The following PLCH1 variants were observed in gnomAD, a reference collection of about 807,000 sequenced individuals.
The protein encoded by PLCH1 is phospholipase C eta 1, also known as 1-phosphatidylinositol 4,5-bisphosphate phosphodiesterase eta-1.
In PLCH1, 60 loss-of-function variants were observed where a neutral mutation model predicts 126.7. The ratio of observed to expected loss-of-function variants is 0.47; its 90% confidence interval spans 0.38 to 0.59. The LOEUF is 0.59. PLCH1 is among the 20% of genes least tolerant of loss of function. The pLI, the probability that PLCH1 is intolerant of heterozygous loss-of-function variation, is 0.00. For missense variants in PLCH1, 1,723 were observed against 2,040.0 expected (o/e 0.84, Z 2.99); for synonymous variants, 719 against 734.9 (o/e 0.98, Z 0.35).
At chr3:155,704,328 G>A in intron 1 of PLCH1, 64 bp from the exon 2 acceptor site, 1 of 423,696 alleles carries the variant, frequency 2.4e-6, no homozygotes, top group Non-Finnish European at 4.0e-6. Context: ...CACACTGGTA[G>A]CATAATGCCA....
At chr3:155,592,550 G>A (rs1043408949) in intron 4 of PLCH1, among the ~76,000 whole-genome samples, 2 of 151,860 alleles carry the variant, frequency 1.3e-5, no homozygotes, top group African/African-American at 2.4e-5. Flanking sequence ...TTAGGGCTGT[G>A]TTTAGAGATA....
intron 21 of PLCH1, among the ~76,000 whole-genome samples, chr3:155,467,435 G>A (rs938132973): frequency 2.6e-5 from 4 of 151,934 alleles, no homozygotes; most frequent in Admixed American, 6.6e-5. Flanking sequence ...TTAGCTGGAC[G>A]TGGTGGTGCG....
At chr3:155,538,318 T>G (rs1160778472) in intron 10 of PLCH1, among the ~76,000 whole-genome samples, 1 of 151,978 alleles carries the variant, frequency 6.6e-6, no homozygotes, top group African/African-American at 2.4e-5. Flanking sequence ...ACAGATAATC[T>G]TAGGTCACAC....
chr3:155,724,451 G>T (rs966494807), intron 1 of PLCH1, among the ~76,000 whole-genome samples: 5 of 152,108 alleles, frequency 3.3e-5, no homozygotes, highest in African/African-American at 1.2e-4. Flanking sequence ...ATTTAGAATT[G>T]TGACATTTTC....
At position 155,693,872 on chromosome 3, in the gene PLCH1, G is replaced by A. The variant is rs151194116; in HGVS notation, c.79+10274C>T. ...TTGAACCCGGGAGGCAGAGGTTGCA[G>A]TAAGCCAAGATGGGGCCATCGCACT... is the stretch of plus-strand genomic sequence containing the variant. On this transcript the variant is annotated intron_variant, in intron 2 of 22. Transcript: ENST00000460012. Among the ~76,000 whole-genome samples, 1,072 of 152,152 alleles carry A rather than the reference G, an allele frequency of 7.0e-3. 6 individuals carry two copies. The highest frequency in any genetic ancestry group is 0.022 in the South Asian group (104 of 4,818).
chr3:155,629,254 G>A (rs7426747), intron 2 of PLCH1, among the ~76,000 whole-genome samples: 73,799 of 151,934 alleles, frequency 0.49, 20,301 homozygotes, highest in African/African-American at 0.74. Context: ...TCAGTTATCT[G>A]AAATTCTACA....
At chr3:155,608,031 G>T (rs1308420009) in intron 2 of PLCH1, among the ~76,000 whole-genome samples, 1 of 152,124 alleles carries the variant, frequency 6.6e-6, no homozygotes, top group East Asian at 1.9e-4. Flanking sequence ...AAACTTTCAG[G>T]TTCCCCTGGG....
intron 1 of PLCH1, among the ~76,000 whole-genome samples, chr3:155,708,719 C>A (rs1746870425): frequency 6.6e-6 from 1 of 152,110 alleles, no homozygotes; most frequent in African/African-American, 2.4e-5. Flanking sequence ...TTAAATTGAT[C>A]ACCTTTTTTT....
At chr3:155,743,398 G>A (rs1371835527) in intron 1 of PLCH1, 1 of 384,270 alleles carries the variant, frequency 2.6e-6, no homozygotes, top group Non-Finnish European at 5.0e-6. Flanking sequence ...TGGGCGTGGT[G>A]GCGGGAGCCT....
chr3:155,638,819 A>T (rs1739039726), intron 2 of PLCH1, among the ~76,000 whole-genome samples: 1 of 152,196 alleles, frequency 6.6e-6, no homozygotes. Flanking sequence ...GAATGAGTAA[A>T]CCTTCTGAAT....
rs76962997 is a variant in PLCH1 at position 155,716,906 on chromosome 3, A to G, written c.-40-12642T>C. 1.6e-3 allele frequency among the ~76,000 whole-genome samples: 240 copies of G among 152,352 alleles called. 1 individual carries two copies. Among genetic ancestry groups the G allele is most frequent in the African/African-American group, 5.5e-3 (230 of 41,580 alleles). Reference sequence around the variant, plus strand: ...AACCTAGTCAAAAGTCCGAAGTCCAAGGTCTCATCTGGAAATGAGTTCCTT... The same window carrying G: ...AACCTAGTCAAAAGTCCGAAGTCCAGGGTCTCATCTGGAAATGAGTTCCTT... On this transcript the variant is annotated intron_variant, in intron 1 of 22. Transcript: ENST00000460012.
intron 1 of PLCH1, among the ~76,000 whole-genome samples, chr3:155,744,501 A>C (rs969050354): frequency 3.9e-5 from 6 of 152,162 alleles, no homozygotes; most frequent in Admixed American, 2.0e-4. Flanking sequence ...GTGAGGGTGA[A>C]GCATCCTGCA....
intron 2 of PLCH1, among the ~76,000 whole-genome samples, chr3:155,652,480 T>G (rs369309906): frequency 1.3e-5 from 2 of 152,214 alleles, no homozygotes; most frequent in South Asian, 4.1e-4. Context: ...TGTTTTGTTT[T>G]TTTGCGTGTG....
chr3:155,719,503 C>A, intron 1 of PLCH1, among the ~76,000 whole-genome samples: 1 of 151,482 alleles, frequency 6.6e-6, no homozygotes, highest in Non-Finnish European at 1.5e-5. Context: ...TACCCTAGAA[C>A]TTAAAGTATA....
At chr3:155,657,036 G>A (rs1741460671) in intron 2 of PLCH1, among the ~76,000 whole-genome samples, 1 of 144,678 alleles carries the variant, frequency 6.9e-6, no homozygotes, top group African/African-American at 2.6e-5. Context: ...TCATATATGA[G>A]TAACAACAAG....
chr3:155,714,505 C>T (rs913644673), intron 1 of PLCH1, among the ~76,000 whole-genome samples: 5 of 152,220 alleles, frequency 3.3e-5, no homozygotes, highest in Admixed American at 3.3e-4. Context: ...ATTCCACAGC[C>T]TAGCCCCCTC....
intron 1 of PLCH1, among the ~76,000 whole-genome samples, chr3:155,740,490 CTGA>C (rs1400902425): frequency 1.4e-4 from 22 of 151,868 alleles, no homozygotes; most frequent in African/African-American, 5.3e-4. Flanking sequence ...TATGACATTG[CTGA>C]TGTTTGACCA....
intron 2 of PLCH1, among the ~76,000 whole-genome samples, chr3:155,702,290 C>T (rs183088): frequency 0.54 from 82,158 of 151,946 alleles, 23,843 homozygotes; most frequent in African/African-American, 0.74. Context: ...TGCTAGTCAA[C>T]AACAGAGCAA....
intron 2 of PLCH1, among the ~76,000 whole-genome samples, chr3:155,656,619 A>G (rs1240345526): frequency 6.6e-6 from 1 of 152,208 alleles, no homozygotes; most frequent in Non-Finnish European, 1.5e-5. Context: ...AAAGCATTCA[A>G]TAAAATAGAA....
Sources: allele counts gnomAD v4.1 joint callset (sites outside exome capture counted in the v4.1 genomes callset), GRCh38; gene constraint gnomAD v4.1.1; transcripts MANE v1.5; gene names NCBI Gene and HGNC (gene_info 2026-07-23, HGNC 2026-07-21).